ZBTB20: variants seen among roughly 807,000 people sequenced by gnomAD.
The protein encoded by ZBTB20 is zinc finger and BTB domain-containing protein 20.
A neutral mutation model predicts 56.9 loss-of-function variants in ZBTB20; 9 were observed. That is an observed-to-expected ratio of 0.16 (90% confidence interval 0.10 to 0.28). ZBTB20 has a LOEUF of 0.28. ZBTB20 is among the 10% of genes least tolerant of loss of function. ZBTB20 has a pLI of 1.00. For missense variants in ZBTB20, 655 were observed against 1,003.0 expected (o/e 0.65, Z 4.69); for synonymous variants, 417 against 420.7 (o/e 0.99, Z 0.11).
At chr3:114,536,278 G>A (rs969725198) in intron 6 of ZBTB20, among the ~76,000 whole-genome samples, 5 of 152,192 alleles carry the variant, frequency 3.3e-5, no homozygotes, top group African/African-American at 9.6e-5. Flanking sequence ...TCCTTAAGCT[G>A]ATAAGCAACT....
At position 114,339,888 on chromosome 3, in the gene ZBTB20, T is replaced by C. The variant is rs897854198; in HGVS notation, c.1805-462A>G. 1.5e-4 allele frequency among the ~76,000 whole-genome samples: 23 copies of C among 152,216 alleles called. No individual in the cohort carries two copies. The highest frequency in any genetic ancestry group is 5.3e-4 in the African/African-American group (22 of 41,460). The stretch of plus-strand genomic sequence containing the variant: ...CTAGAATCCTTGAGAACTAAGGATA[T>C]TGGTCACTATAGCTTGGTTCCTTGG... On this transcript the variant is annotated intron_variant, in intron 11 of 11. Coordinates refer to ENST00000675478, the MANE Select transcript of ZBTB20 (RefSeq NM_001348800.3). The surrounding 1 kb of genome is among the most constrained non-coding windows in gnomAD (Gnocchi z 4.2).
chr3:114,850,306 A>G (rs2074936086), intron 4 of ZBTB20, among the ~76,000 whole-genome samples: 1 of 152,190 alleles, frequency 6.6e-6, no homozygotes, highest in Non-Finnish European at 1.5e-5. Context: ...GAAAAAGTTG[A>G]TATTTCAGCC....
chr3:114,431,724 T>G (rs1288409667), intron 7 of ZBTB20, among the ~76,000 whole-genome samples: 1 of 152,116 alleles, frequency 6.6e-6, no homozygotes, highest in Non-Finnish European at 1.5e-5. Flanking sequence ...TACAGTGAGA[T>G]CCTAAAGTTC....
rs1465793089 is a variant in ZBTB20, at chr3:114,748,344, TC to T, written c.-343+52756del. ...TTTCTTTCTTTCTTTCTTCTTTCTT[TC>T]TTTCTTTTCTCTCTCTCTCTCTCTC... On this transcript the variant is annotated intron_variant, in intron 5 of 11. Coordinates refer to ENST00000675478, the MANE Select transcript of ZBTB20 (RefSeq NM_001348800.3). Among the ~76,000 whole-genome samples, 261 of 43,222 alleles carry T rather than the reference TC, an allele frequency of 6.0e-3. 2 individuals carry two copies. Among genetic ancestry groups the T allele is most frequent in the South Asian group, 8.9e-3 (8 of 902 alleles). The allele number at this position is 43,222 out of a possible 152,430, so 28.4% of individuals were successfully genotyped here.
chr3:114,431,351 G>C (rs893978653), intron 7 of ZBTB20, among the ~76,000 whole-genome samples: 3 of 152,114 alleles, frequency 2.0e-5, no homozygotes, highest in Admixed American at 2.0e-4. Context: ...CTCTGGAAGG[G>C]GGTCAGAGAC....
chr3:114,577,263 TAAAAAAAAAG>T (rs2054179060), intron 6 of ZBTB20, among the ~76,000 whole-genome samples: 1 of 150,696 alleles, frequency 6.6e-6, no homozygotes, highest in Non-Finnish European at 1.5e-5. Context: ...CATATAAATT[TAAAAAAAAAG>T]AAAAAAATAG....
intron 6 of ZBTB20, among the ~76,000 whole-genome samples, chr3:114,644,901 C>T (rs1367753673): frequency 6.6e-6 from 1 of 151,996 alleles, no homozygotes; most frequent in Non-Finnish European, 1.5e-5. Flanking sequence ...AATTCACTAG[C>T]TCTGAAAATG....
intron 10 of ZBTB20, among the ~76,000 whole-genome samples, chr3:114,365,148 T>G (rs918386927): frequency 2.6e-5 from 4 of 152,218 alleles, no homozygotes; most frequent in Non-Finnish European, 1.5e-5. Context: ...TCCTAAGCAC[T>G]GGCAGCAGAT....
At chr3:114,756,380 C>T (rs2068012723) in intron 5 of ZBTB20, among the ~76,000 whole-genome samples, 1 of 152,076 alleles carries the variant, frequency 6.6e-6, no homozygotes, top group Non-Finnish European at 1.5e-5. Context: ...TATTTTCAGC[C>T]CCAGGTCATT....
At chr3:114,463,748 T>C (rs1025792353) in intron 7 of ZBTB20, among the ~76,000 whole-genome samples, 1 of 152,216 alleles carries the variant, frequency 6.6e-6, no homozygotes, top group African/African-American at 2.4e-5. Flanking sequence ...GAACATGTAG[T>C]CTACCTCAAA....
At chr3:114,984,214 T>C (rs2078442571) in intron 2 of ZBTB20, among the ~76,000 whole-genome samples, 1 of 152,008 alleles carries the variant, frequency 6.6e-6, no homozygotes, top group African/African-American at 2.4e-5. Context: ...GCCTGGCCCA[T>C]TCCCAGTCCT....
intron 5 of ZBTB20, among the ~76,000 whole-genome samples, chr3:114,769,478 T>A (rs1183032123): frequency 1.3e-5 from 2 of 149,174 alleles, no homozygotes; most frequent in African/African-American, 5.0e-5. Context: ...GGTAAATAGA[T>A]AATATACTTT....
At chr3:114,549,596 A>G (rs181613595) in intron 6 of ZBTB20, among the ~76,000 whole-genome samples, 4 of 152,310 alleles carry the variant, frequency 2.6e-5, no homozygotes, top group Non-Finnish European at 5.9e-5. Context: ...ACCAAACTAT[A>G]TAAGTGCTAA....
In ZBTB20 at chr3:115,020,602, T is replaced by A. The variant is rs544349305; in HGVS notation, c.-506-46186A>T. ...CTTTTTAAAACATTTAATTGTCTTT[T>A]TTGAGGATGATAAAAGATAAAATCT... On this transcript the variant is annotated intron_variant, in intron 2 of 11. Transcript: ENST00000675478. 2.4e-4 allele frequency among the ~76,000 whole-genome samples: 36 copies of A among 151,178 alleles called. 1 individual carries two copies. In the South Asian group the frequency reaches 7.5e-3, roughly 31 times the overall value.
chr3:114,550,848 T>G (rs1290175824), intron 6 of ZBTB20, among the ~76,000 whole-genome samples: 1 of 152,168 alleles, frequency 6.6e-6, no homozygotes, highest in African/African-American at 2.4e-5. Flanking sequence ...CCTCCTGGGT[T>G]CAAGCGATTC....
At chr3:114,678,177 C>T (rs1225248499) in intron 6 of ZBTB20, among the ~76,000 whole-genome samples, 1 of 151,902 alleles carries the variant, frequency 6.6e-6, no homozygotes, top group African/African-American at 2.4e-5. Flanking sequence ...GATTTTTTTC[C>T]TCTTCACATT....
intron 6 of ZBTB20, among the ~76,000 whole-genome samples, chr3:114,649,044 C>T (rs1468205665): frequency 6.6e-6 from 1 of 152,002 alleles, no homozygotes; most frequent in Non-Finnish European, 1.5e-5. Flanking sequence ...TATGTCCACC[C>T]ATTTTCTTTC....
At chr3:114,540,430 G>T (rs899829823) in intron 6 of ZBTB20, among the ~76,000 whole-genome samples, 1 of 152,110 alleles carries the variant, frequency 6.6e-6, no homozygotes, top group Non-Finnish European at 1.5e-5. Context: ...TAGTGAAAGA[G>T]ATATGAAACA....
chr3:114,770,119 G>A (rs1578789387), intron 5 of ZBTB20, among the ~76,000 whole-genome samples: 2 of 151,588 alleles, frequency 1.3e-5, no homozygotes, highest in South Asian at 2.1e-4. Context: ...GGAAAGGGGC[G>A]AGGGATAGAA....
Sources: gnomAD v4.1 joint callset for allele counts (sites outside exome capture counted in the v4.1 genomes callset) on GRCh38, gnomAD v4.1.1 for gene constraint, Gnocchi (gnomAD v3.1) non-coding constraint, MANE v1.5 for transcripts, NCBI Gene and HGNC (gene_info 2026-07-23, HGNC 2026-07-21) for gene names.